Variants in FAT3 observed in about 807,000 individuals in gnomAD.
The protein encoded by FAT3 is protocadherin Fat 3.
A neutral mutation model predicts 310.2 loss-of-function variants in FAT3; 95 were observed. The ratio of observed to expected loss-of-function variants is 0.31; its 90% CI spans 0.26 to 0.36. The LOEUF is 0.36. Ranked by LOEUF, FAT3 falls within the 10% of genes least tolerant of loss-of-function variation. The probability of loss-of-function intolerance (pLI) is 1.00; values close to 1 mark genes in which losing one functional copy is unlikely to be tolerated. For synonymous variants in FAT3, 2,314 were observed against 2,192.9 expected (o/e 1.06, Z -1.54); for missense variants, 5,408 against 5,715.6 (o/e 0.95, Z 1.74).
chr11:92,495,626 A>G (rs1268687438), intron 2 of FAT3, among the ~76,000 whole-genome samples: 13 of 152,034 alleles, frequency 8.6e-5, no homozygotes, highest in Admixed American at 8.5e-4. Flanking sequence ...TGTTTCAATC[A>G]TTGACACATG....
Position 92,810,023 on chromosome 11 carries a change from A to G in FAT3, c.9428A>G (p.Asn3143Ser), listed in dbSNP as rs1430542439. ...SDHYNTCVYE[N>S]TATKALLTRV... ...CACTACAACACCTGTGTCTATGAGA[A>G]CACAGCCACCAAGGCTCTGTTGACC... Residue 3143 changes from asparagine (N) to serine (S), a missense_variant, in exon 13 of 28, where the codon AAC becomes AGC. By Grantham distance (46) the Asn-to-Ser change is conservative. Transcript: ENST00000525166. The G allele has an allele frequency of 6.2e-7, 1 of 1,613,962 alleles. No individual in the cohort carries two copies. Among genetic ancestry groups the G allele is most frequent in the South Asian group, 1.1e-5 (1 of 91,080 alleles).
chr11:92,859,169 C>T lies in FAT3; in HGVS notation c.11505C>T (p.His3835=), dbSNP rs752680422. 3.7e-6 allele frequency: 6 copies of T among 1,613,238 alleles called. No individual in the cohort carries two copies. In the Admixed American group the frequency reaches 1.0e-4, roughly 27 times the overall value. The change falls in exon 21 of 28, where the codon CAC becomes CAT. Residue 3835 remains histidine, a synonymous_variant. Coordinates refer to ENST00000525166, the MANE Select transcript of FAT3 (RefSeq NM_001367949.2). Reference sequence around the variant, plus strand: ...TTCTCATAACGGTCTTTTCAGGGCACACTTCTCTCAGCTTTGCTGGAAACA... The same window carrying T: ...TTCTCATAACGGTCTTTTCAGGGCATACTTCTCTCAGCTTTGCTGGAAACA... ...PPGKLGECSG[H]TSLSFAGNSY... is the part of the protein sequence containing the mutation.
rs1289575601 is a variant in FAT3, at chr11:92,857,967, T to TATATTCTC, written c.11500+620_11500+627dup. 6.9e-3 allele frequency among the ~76,000 whole-genome samples: 1,050 copies of TATATTCTC among 152,362 alleles called. 13 individuals carry two copies. The highest frequency in any genetic ancestry group is 0.024 in the African/African-American group (1,008 of 41,584). On this transcript the variant is annotated intron_variant, in intron 20 of 27. Transcript: ENST00000525166. Reference sequence around the variant, plus strand: ...CAATTTCTATACTTCATTTGATTCATATATTCTCTGCCACTTCTTTACTCA... The same window carrying TATATTCTC: ...CAATTTCTATACTTCATTTGATTCATATATTCTCATATTCTCTGCCACTTCTTTACTCA...
chr11:92,463,797 A>G (rs1951693969), intron 2 of FAT3, among the ~76,000 whole-genome samples: 1 of 152,152 alleles, frequency 6.6e-6, no homozygotes, highest in African/African-American at 2.4e-5. Context: ...AAATGCCTGG[A>G]CATTAGTTAG....
Position 92,800,158 on chromosome 11 carries a change from T to C in FAT3, c.7145T>C (p.Ile2382Thr). Reference sequence around the variant, plus strand: ...CTGAGCAGTGAGGTTCTCGTTCATATCTACATCTCTGATGTAAATGACAAC... The same window carrying C: ...CTGAGCAGTGAGGTTCTCGTTCATACCTACATCTCTGATGTAAATGACAAC... ...PSLSSEVLVHIYISDVNDNPP... is the reference protein window; with the variant it reads ...PSLSSEVLVHTYISDVNDNPP... Residue 2382 changes from isoleucine (I) to threonine (T), a missense_variant, in exon 10 of 28, where the codon ATC becomes ACC. By Grantham distance (89) the Ile-to-Thr change is moderately conservative (BLOSUM62 -1). Around this residue, in one of 5 missense-constraint regions of FAT3, gnomAD observed 4,588 missense variants for 4,809.8 expected, o/e 0.95. Coordinates refer to ENST00000525166, the MANE Select transcript of FAT3 (RefSeq NM_001367949.2). The C allele has an allele frequency of 1.2e-6, 2 of 1,613,994 alleles. No individual in the cohort carries two copies. Among genetic ancestry groups the C allele is most frequent in the Non-Finnish European group, 1.7e-6 (2 of 1,179,866 alleles).
In FAT3 at chr11:92,894,296, G is replaced by A. The variant is rs977283909; in HGVS notation, c.*3183G>A. ...GATGAAATGATAATTACAGAGTTCA[G>A]CTCAGACCAGTCATCAGTTGTAGTG... On this transcript the variant is annotated 3_prime_UTR_variant, in exon 28 of 28. Transcript: ENST00000525166. 5.9e-5 allele frequency: 9 copies of A among 152,172 alleles called. No homozygotes were observed. The highest frequency in any genetic ancestry group is 1.4e-4 in the African/African-American group (6 of 41,442). The allele number at this position is 152,172 out of a possible 1,614,324, so 9.4% of individuals were successfully genotyped here. A position where few individuals can be genotyped will look rare whatever the true frequency, so the allele number is the denominator to read the frequency against.
chr11:92,367,384 C>A (rs1949054354), intron 2 of FAT3: 1 of 154,758 alleles, frequency 6.5e-6, no homozygotes, highest in Non-Finnish European at 1.4e-5. Flanking sequence ...CTGCTTGAGC[C>A]CAGGCATTCA....
chr11:92,451,896 A>G (rs183699454), intron 2 of FAT3, among the ~76,000 whole-genome samples: 19 of 152,320 alleles, frequency 1.2e-4, no homozygotes, highest in South Asian at 6.2e-4. Context: ...CCCCACATCA[A>G]CTGGTCACAT....
chr11:92,786,860 A>G (rs866752877), intron 7 of FAT3, among the ~76,000 whole-genome samples: 1 of 152,224 alleles, frequency 6.6e-6, no homozygotes, highest in Admixed American at 6.5e-5. Context: ...ATGAACACCA[A>G]TAGAAAACTA....
At chr11:92,620,311 A>G in intron 3 of FAT3, among the ~76,000 whole-genome samples, 1 of 152,202 alleles carries the variant, frequency 6.6e-6, no homozygotes, top group East Asian at 1.9e-4. Flanking sequence ...GCACTTGAGA[A>G]AAATACGTGC....
At chr11:92,656,083 G>A (rs967202493) in intron 3 of FAT3, among the ~76,000 whole-genome samples, 3 of 152,118 alleles carry the variant, frequency 2.0e-5, no homozygotes, top group Admixed American at 1.3e-4. Context: ...ACAGAGTTTT[G>A]GGGTTATGAG....
At chr11:92,702,824 TC>T (rs1944142592) in intron 4 of FAT3, among the ~76,000 whole-genome samples, 1 of 152,036 alleles carries the variant, frequency 6.6e-6, no homozygotes, top group African/African-American at 2.4e-5. Context: ...GATAAAAGTC[TC>T]CCAAAGAGAA....
intron 1 of FAT3, among the ~76,000 whole-genome samples, chr11:92,318,645 A>AT (rs1591100551): frequency 6.6e-6 from 1 of 152,278 alleles, no homozygotes; most frequent in Non-Finnish European, 1.5e-5. Context: ...AGGAATCATA[A>AT]TTTTTTGGAA....
intron 2 of FAT3, among the ~76,000 whole-genome samples, chr11:92,507,066 T>A (rs966715239): frequency 2.0e-5 from 3 of 152,226 alleles, no homozygotes; most frequent in African/African-American, 4.8e-5. Flanking sequence ...TCTGTTTTCT[T>A]GTCAAAGCTG....
chr11:92,779,079 C>T (rs1201967696), intron 7 of FAT3, among the ~76,000 whole-genome samples: 10 of 151,950 alleles, frequency 6.6e-5, no homozygotes, highest in Admixed American at 1.3e-4. Context: ...TTGAAGGAAT[C>T]GGTACTGTAT....
intron 4 of FAT3, among the ~76,000 whole-genome samples, chr11:92,755,515 C>A (rs1945967448): frequency 1.3e-5 from 2 of 152,194 alleles, no homozygotes; most frequent in Admixed American, 6.5e-5. Context: ...TGAACCACTA[C>A]ACCCTGCCAG....
intron 2 of FAT3, among the ~76,000 whole-genome samples, chr11:92,381,917 A>T (rs1949502092): frequency 6.6e-6 from 1 of 152,154 alleles, no homozygotes; most frequent in South Asian, 2.1e-4. Context: ...TTTCTCAAAC[A>T]TTGGTGGGTA....
intron 3 of FAT3, among the ~76,000 whole-genome samples, chr11:92,603,402 C>G (rs1195541042): frequency 6.6e-6 from 1 of 152,162 alleles, no homozygotes; most frequent in Non-Finnish European, 1.5e-5. Context: ...CTGTAATTCT[C>G]AAGATTAATT....
At chr11:92,261,117 C>T (rs1282470886) in intron 1 of FAT3, among the ~76,000 whole-genome samples, 1 of 152,006 alleles carries the variant, frequency 6.6e-6, no homozygotes, top group Non-Finnish European at 1.5e-5. Flanking sequence ...CCCCATAAAT[C>T]ATCCTAGATC....
Sources: gnomAD v4.1 joint callset for allele counts (sites outside exome capture counted in the v4.1 genomes callset) on GRCh38, gnomAD v4.1.1 for gene constraint, gnomAD v4.1.1 regional missense constraint, MANE v1.5 for transcripts, NCBI Gene and HGNC (gene_info 2026-07-23, HGNC 2026-07-21) for gene names.